The following RIMS1 variants were observed in gnomAD, a reference collection of about 807,000 sequenced individuals.
The protein encoded by RIMS1 is regulating synaptic membrane exocytosis 1, also known as regulating synaptic membrane exocytosis protein 1.
A neutral mutation model predicts 214.1 loss-of-function variants in RIMS1; 83 were observed. The ratio of observed to expected loss-of-function variants is 0.39; its 90% CI spans 0.32 to 0.47. The LOEUF (loss-of-function observed/expected upper bound fraction) is 0.47. Ranked by LOEUF, RIMS1 falls within the 20% of genes least tolerant of loss-of-function variation. The probability of loss-of-function intolerance (pLI) is 0.99; values close to 1 mark genes in which losing one functional copy is unlikely to be tolerated. For synonymous variants in RIMS1, 793 were observed against 786.8 expected, an observed-to-expected ratio of 1.01 and a Z score of -0.13; for missense variants, 2,050 against 2,161.8, an observed-to-expected ratio of 0.95 and a Z score of 1.03.
At chr6:72,346,601 G>T (rs1029438076) in intron 29 of RIMS1, among the ~76,000 whole-genome samples, 12 of 151,640 alleles carry the variant, frequency 7.9e-5, no homozygotes, top group Non-Finnish European at 1.6e-4. Flanking sequence ...CCTCCCTTCT[G>T]CTCTGTTACT....
intron 22 of RIMS1, among the ~76,000 whole-genome samples, chr6:72,271,286 A>AAAT (rs1417580438): frequency 2.3e-5 from 1 of 44,424 alleles, no homozygotes; most frequent in Non-Finnish European, 3.7e-5. Flanking sequence ...AAAAAAAAAA[A>AAAT]ATATATATAT....
intron 2 of RIMS1, among the ~76,000 whole-genome samples, chr6:72,034,438 G>GTT (rs569436697): frequency 1.3e-5 from 2 of 151,970 alleles, no homozygotes; most frequent in Non-Finnish European, 2.9e-5. Flanking sequence ...CAAGACCTGA[G>GTT]TTTTTTTAAT....
intron 11 of RIMS1, among the ~76,000 whole-genome samples, 191 bp downstream of exon 11, chr6:72,246,052 C>T (rs971176553): frequency 2.0e-4 from 31 of 151,862 alleles, no homozygotes; most frequent in African/African-American, 7.3e-4. Context: ...ATTTTTCTTC[C>T]TCTACTTTTT....
chr6:72,168,410 T>A (rs2463747), intron 4 of RIMS1, among the ~76,000 whole-genome samples: 72,824 of 151,972 alleles, frequency 0.48, 18,638 homozygotes, highest in East Asian at 0.83. Context: ...TGGTTTGAAG[T>A]TTGGACTGGG....
At chr6:72,347,982 T>C (rs749584908) in intron 29 of RIMS1, among the ~76,000 whole-genome samples, 1 of 151,964 alleles carries the variant, frequency 6.6e-6, no homozygotes, top group Non-Finnish European at 1.5e-5. Flanking sequence ...GTGCATTTAA[T>C]GCAGAAGAAT....
chr6:71,897,101 TA>T (rs371585501), intron 1 of RIMS1, among the ~76,000 whole-genome samples: 18 of 152,308 alleles, frequency 1.2e-4, no homozygotes, highest in African/African-American at 4.3e-4. Context: ...TCTGTGTGGG[TA>T]GCATCACCAC....
chr6:72,016,232 A>G (rs969706820), intron 2 of RIMS1, among the ~76,000 whole-genome samples: 2 of 152,100 alleles, frequency 1.3e-5, no homozygotes, highest in Admixed American at 6.5e-5. Flanking sequence ...ATTTTTTTAT[A>G]AGGGGTATTG....
chr6:72,106,768 T>C (rs550470362), intron 4 of RIMS1, among the ~76,000 whole-genome samples: 28 of 152,202 alleles, frequency 1.8e-4, no homozygotes, highest in Non-Finnish European at 3.8e-4. Context: ...AAAAAATATA[T>C]CTTCTGAAAT....
intron 4 of RIMS1, among the ~76,000 whole-genome samples, chr6:72,103,470 G>C (rs144889954): frequency 3.0e-4 from 45 of 152,058 alleles, no homozygotes; most frequent in African/African-American, 1.1e-3. Flanking sequence ...TATAAAATCT[G>C]TTTCAAGAAA....
rs9446530 is a variant in RIMS1, at chr6:71,997,469, T to G, written c.245+28406T>G. On this transcript the variant is annotated intron_variant, in intron 2 of 33. Transcript: ENST00000521978. ...GTGAACAAAGCTCATGTGCTTTAAATTGCTGTCCCTTTCATTAATTTCTTC... is the reference window on the plus strand; with the variant it reads ...GTGAACAAAGCTCATGTGCTTTAAAGTGCTGTCCCTTTCATTAATTTCTTC... Among the ~76,000 whole-genome samples the G allele has an allele frequency of 3.1e-3, 471 of 152,308 alleles. 3 individuals are homozygous for G. Among genetic ancestry groups the G allele is most frequent in the African/African-American group, 0.011 (460 of 41,582 alleles).
At chr6:71,926,123 G>A (rs541691356) in intron 1 of RIMS1, among the ~76,000 whole-genome samples, 2 of 152,174 alleles carry the variant, frequency 1.3e-5, no homozygotes, top group East Asian at 3.9e-4. Context: ...TGGAGTGCAG[G>A]GGTTTCACCA....
At chr6:72,196,597 T>TTTTTTTTTTTTTTTTTTTTTG (rs2051006662) in intron 6 of RIMS1, among the ~76,000 whole-genome samples, 1 of 134,510 alleles carries the variant, frequency 7.4e-6, no homozygotes, top group South Asian at 2.6e-4. Flanking sequence ...TTTTTTTTTT[T>TTTTTTTTTTTTTTTTTTTTTG]TTTTTTACCT....
intron 19 of RIMS1, chr6:72,261,845 A>G (rs1216553792): frequency 1.0e-6 from 1 of 985,312 alleles, no homozygotes; most frequent in Non-Finnish European, 1.2e-6. Context: ...ACAGGAAAAA[A>G]TCGAGGAAAT....
At chr6:72,180,415 G>T (rs1450599798) in intron 5 of RIMS1, among the ~76,000 whole-genome samples, 1 of 152,240 alleles carries the variant, frequency 6.6e-6, no homozygotes, top group Admixed American at 6.5e-5. Context: ...ATGGCCTGAA[G>T]GAACAAGCCC....
intron 2 of RIMS1, among the ~76,000 whole-genome samples, chr6:72,040,854 G>T (rs1040044698): frequency 6.6e-6 from 1 of 151,632 alleles, no homozygotes; most frequent in Non-Finnish European, 1.5e-5. Context: ...CCTTTCAGAT[G>T]TTCAAAGATG....
At chr6:71,931,321 G>C (rs1222982647) in intron 1 of RIMS1, among the ~76,000 whole-genome samples, 1 of 151,966 alleles carries the variant, frequency 6.6e-6, no homozygotes, top group Admixed American at 6.6e-5. Context: ...TATAAGATTT[G>C]ACCCGAAGAA....
chr6:71,999,321 G>T (rs1223519188), intron 2 of RIMS1, among the ~76,000 whole-genome samples: 1 of 151,992 alleles, frequency 6.6e-6, no homozygotes, highest in Admixed American at 6.6e-5. Flanking sequence ...TGATGATGAC[G>T]ATGATCCTTG....
chr6:71,958,571 A>T (rs1791979155), intron 1 of RIMS1, among the ~76,000 whole-genome samples: 1 of 152,142 alleles, frequency 6.6e-6, no homozygotes, highest in South Asian at 2.1e-4. Flanking sequence ...CGGAATGGAG[A>T]TCAAAGTGAC....
chr6:72,051,911 T>C, intron 2 of RIMS1, among the ~76,000 whole-genome samples: 1 of 152,150 alleles, frequency 6.6e-6, no homozygotes, highest in East Asian at 1.9e-4. Context: ...AGTAGATTTA[T>C]TAGATGACCA....
Sources: allele counts gnomAD v4.1 joint callset (sites outside exome capture counted in the v4.1 genomes callset), GRCh38; gene constraint gnomAD v4.1.1; transcripts MANE v1.5; gene names NCBI Gene and HGNC (gene_info 2026-07-23, HGNC 2026-07-21).